Variants in LSAMP observed in about 807,000 individuals in gnomAD.
LSAMP encodes limbic system associated membrane protein.
LSAMP carries 7 observed loss-of-function variants against 38.6 expected under a neutral mutation model. That is an observed-to-expected ratio of 0.18 (90% confidence interval 0.10 to 0.34). The LOEUF is 0.34. Among genes scored for constraint, LSAMP ranks in the 10% least tolerant of loss-of-function variants. The probability of loss-of-function intolerance (pLI) is 1.00; values close to 1 mark genes in which losing one functional copy is unlikely to be tolerated. For missense variants in LSAMP, 313 were observed against 420.0 expected (o/e 0.75, Z 2.23); for synonymous variants, 154 against 166.8 (o/e 0.92, Z 0.59).
intron 3 of LSAMP, among the ~76,000 whole-genome samples, chr3:116,005,057 G>C (rs887733613): frequency 6.6e-6 from 1 of 152,156 alleles, no homozygotes; most frequent in Non-Finnish European, 1.5e-5. Flanking sequence ...AGTAGTAGTA[G>C]CAGTGGGTAG....
intron 1 of LSAMP, among the ~76,000 whole-genome samples, chr3:116,383,939 A>T (rs1030643661): frequency 6.6e-6 from 1 of 152,112 alleles, no homozygotes; most frequent in Non-Finnish European, 1.5e-5. Context: ...TCATTAGTGT[A>T]TTGGTGTCTA....
intron 1 of LSAMP, among the ~76,000 whole-genome samples, chr3:116,274,990 T>C (rs2047028714): frequency 6.6e-6 from 1 of 151,636 alleles, no homozygotes; most frequent in Non-Finnish European, 1.5e-5. Flanking sequence ...GAGCAACTTT[T>C]ATTTTTGTGC....
intron 3 of LSAMP, among the ~76,000 whole-genome samples, chr3:115,995,132 G>C (rs1939779406): frequency 1.3e-5 from 2 of 152,094 alleles, no homozygotes; most frequent in African/African-American, 2.4e-5. Context: ...ACCAAAGGAA[G>C]TTTCCATACA....
At chr3:116,231,175 G>A (rs1353672103) in intron 1 of LSAMP, among the ~76,000 whole-genome samples, 1 of 152,146 alleles carries the variant, frequency 6.6e-6, no homozygotes, top group Non-Finnish European at 1.5e-5. Flanking sequence ...CTGCGAAATT[G>A]GCTTTTGTAC....
chr3:116,161,767 C>T (rs1308975980), intron 1 of LSAMP, among the ~76,000 whole-genome samples: 1 of 152,062 alleles, frequency 6.6e-6, no homozygotes, highest in Non-Finnish European at 1.5e-5. Flanking sequence ...AAAAAGATGA[C>T]ACAGCAGTTC....
chr3:116,362,774 G>A (rs1461337219), intron 1 of LSAMP, among the ~76,000 whole-genome samples: 1 of 98,588 alleles, frequency 1.0e-5, no homozygotes, highest in Non-Finnish European at 1.9e-5. Context: ...GGTACATAAC[G>A]AAATGAAGGC....
intron 4 of LSAMP, among the ~76,000 whole-genome samples, chr3:115,847,271 G>A (rs1935189726): frequency 6.6e-6 from 1 of 152,142 alleles, no homozygotes; most frequent in Admixed American, 6.6e-5. Flanking sequence ...CATGGGTAGT[G>A]TGCAGTGGTA....
chr3:116,437,092 T>C (rs895981120), intron 1 of LSAMP, among the ~76,000 whole-genome samples: 1 of 151,108 alleles, frequency 6.6e-6, no homozygotes, highest in African/African-American at 2.4e-5. Flanking sequence ...TAAAAAGGAA[T>C]GAATTAACAG....
intron 6 of LSAMP, 129 bp from the exon 7 acceptor site, chr3:115,810,543 AT>A: frequency 1.4e-6 from 1 of 700,070 alleles, no homozygotes; most frequent in Non-Finnish European, 2.5e-6. Context: ...TACTGCACTT[AT>A]GTGCAGCCCA....
At position 115,808,964 on chromosome 3, in the gene LSAMP, TA is replaced by T. The variant is rs1161465200; in HGVS notation, c.*1352del. On this transcript the variant is annotated 3_prime_UTR_variant, in exon 7 of 7. Coordinates refer to ENST00000490035, the MANE Select transcript of LSAMP (RefSeq NM_002338.5). Reference sequence around the variant, plus strand: ...GGGAATTCATGGGACAAATGTTATTTAAGATTAGGGAGGAGGTAAAACAGGG... The same window carrying T: ...GGGAATTCATGGGACAAATGTTATTTAGATTAGGGAGGAGGTAAAACAGGG... The T allele has an allele frequency of 1.3e-5, 2 of 152,148 alleles. No individual in the cohort carries two copies. The highest frequency in any genetic ancestry group is 4.8e-5 in the African/African-American group (2 of 41,422). 9.4% of individuals were successfully genotyped at this position (152,148 alleles called of 1,614,324 possible).
intron 1 of LSAMP, among the ~76,000 whole-genome samples, chr3:116,359,324 A>G (rs2048270142): frequency 6.6e-6 from 1 of 152,234 alleles, no homozygotes; most frequent in Non-Finnish European, 1.5e-5. Flanking sequence ...TTCAAATAAG[A>G]TCAAGATGCT....
chr3:115,940,083 G>A (rs1400838180), intron 3 of LSAMP, among the ~76,000 whole-genome samples: 1 of 152,244 alleles, frequency 6.6e-6, no homozygotes. Flanking sequence ...CGCATCTGGA[G>A]TTGTTTGTTC....
At chr3:115,856,078 G>C (rs144460220) in intron 3 of LSAMP, among the ~76,000 whole-genome samples, 1 of 152,226 alleles carries the variant, frequency 6.6e-6, no homozygotes, top group Non-Finnish European at 1.5e-5. Flanking sequence ...GCTCCAGATT[G>C]TAAGTGTTGC....
chr3:115,929,005 G>T (rs1937535966), intron 3 of LSAMP, among the ~76,000 whole-genome samples: 2 of 121,576 alleles, frequency 1.6e-5, no homozygotes, highest in Admixed American at 1.9e-4. Flanking sequence ...GTTTTATGGG[G>T]CTAGTTAGGT....
intron 1 of LSAMP, among the ~76,000 whole-genome samples, chr3:116,292,029 G>A (rs1161976847): frequency 6.6e-6 from 1 of 151,986 alleles, no homozygotes; most frequent in South Asian, 2.1e-4. Flanking sequence ...AACATAAAAT[G>A]GTACCACTCG....
At position 115,810,266 on chromosome 3, in the gene LSAMP, G is replaced by T; in HGVS notation, c.*51C>A. ...CTCTGTCTCTCTCTCTCTGTATTCT[G>T]TGTGACGCATTTTTGTGTGTTTTTT... On this transcript the variant is annotated 3_prime_UTR_variant, in exon 7 of 7. Transcript: ENST00000490035. 1 of 1,225,144 alleles carries T rather than the reference G, an allele frequency of 8.2e-7. No individual in the cohort carries two copies. Among genetic ancestry groups the T allele is most frequent in the Non-Finnish European group, 1.2e-6 (1 of 857,650 alleles). 75.9% of individuals were successfully genotyped at this position (1,225,144 alleles called of 1,614,324 possible).
chr3:116,033,118 AG>A (rs1221756315), intron 2 of LSAMP, among the ~76,000 whole-genome samples: 1 of 152,196 alleles, frequency 6.6e-6, no homozygotes, highest in Non-Finnish European at 1.5e-5. Flanking sequence ...CAACTTGAAA[AG>A]CTTGAACAAT....
chr3:116,035,037 C>T (rs568927338), intron 2 of LSAMP, among the ~76,000 whole-genome samples: 1 of 152,240 alleles, frequency 6.6e-6, no homozygotes, highest in South Asian at 2.1e-4. Context: ...CAGCTATAAG[C>T]CAGCTGGTGC....
chr3:116,349,506 C>G (rs2048109876), intron 1 of LSAMP, among the ~76,000 whole-genome samples: 1 of 148,776 alleles, frequency 6.7e-6, no homozygotes, highest in Non-Finnish European at 1.5e-5. Flanking sequence ...CACACACTCT[C>G]TCTCTCTCTC....
Sources: allele counts gnomAD v4.1 joint callset (sites outside exome capture counted in the v4.1 genomes callset), GRCh38; gene constraint gnomAD v4.1.1; transcripts MANE v1.5; gene names NCBI Gene and HGNC (gene_info 2026-07-23, HGNC 2026-07-21).